RIMS4: variants seen among roughly 807,000 people sequenced by gnomAD.
RIMS4 encodes the protein regulating synaptic membrane exocytosis protein 4.
Under a neutral mutation model 29.0 loss-of-function variants are expected in RIMS4, and 9 were observed. The observed-to-expected ratio is 0.31, with a 90% CI of 0.19 to 0.54. The LOEUF is 0.54. Ranked by LOEUF, RIMS4 falls within the 20% of genes least tolerant of loss-of-function variation. The probability of loss-of-function intolerance (pLI) is 0.94; values close to 1 mark genes in which losing one functional copy is unlikely to be tolerated. For synonymous variants in RIMS4, 130 were observed against 152.9 expected (o/e 0.85, Z 1.10); for missense variants, 193 against 365.7 (o/e 0.53, Z 3.85).
At chr20:44,762,828 C>T (rs558631362) in intron 2 of RIMS4, among the ~76,000 whole-genome samples, 61 of 152,264 alleles carry the variant, frequency 4.0e-4, no homozygotes, top group Non-Finnish European at 8.4e-4. Context: ...AGGCAGAGGC[C>T]GCAAAATCAA....
intron 1 of RIMS4, among the ~76,000 whole-genome samples, chr20:44,800,798 C>T (rs770337072): frequency 1.3e-5 from 2 of 152,118 alleles, no homozygotes; most frequent in Non-Finnish European, 2.9e-5. Context: ...CACTGAGACT[C>T]GGCGATGAAC....
intron 1 of RIMS4, among the ~76,000 whole-genome samples, chr20:44,790,626 G>T (rs1241325243): frequency 6.6e-6 from 1 of 152,210 alleles, no homozygotes; most frequent in African/African-American, 2.4e-5. Context: ...CTAGGGCCTG[G>T]CCCAGTGCAG....
In RIMS4 at chr20:44,756,771, C is replaced by T; in HGVS notation, c.591+127G>A. On this transcript the variant is annotated intron_variant, in intron 5 of 5. Transcript: ENST00000372851. The surrounding 1 kb of genome is among the most constrained non-coding windows in gnomAD (Gnocchi z 5.9). ...AGTTCAGCCACAGTGAACTGAGGGC[C>T]TCGCCTGTTTCCTCCAGGCGAGGCC... is the stretch of plus-strand genomic sequence containing the variant. The T allele has an allele frequency of 2.5e-6, 2 of 797,380 alleles. No homozygotes were observed. The highest frequency in any genetic ancestry group is 3.9e-6 in the Non-Finnish European group (2 of 519,056). The allele number at this position is 797,380 out of a possible 1,614,324, so 49.4% of individuals were successfully genotyped here.
At chr20:44,760,533 T>A (rs1327364575) in intron 2 of RIMS4, among the ~76,000 whole-genome samples, 2 of 152,066 alleles carry the variant, frequency 1.3e-5, no homozygotes, top group African/African-American at 4.8e-5. Context: ...GACAGTAAGA[T>A]CACGTTCCAG....
chr20:44,810,492 TGGCGGCGGCGGC>T lies in RIMS4; in HGVS notation c.-233_-222del, dbSNP rs1186589933. Among the ~76,000 whole-genome samples the T allele has an allele frequency of 1.4e-5, 2 of 138,778 alleles. No homozygotes were observed. The highest frequency in any genetic ancestry group is 3.2e-5 in the Non-Finnish European group (2 of 63,032). 91.0% of individuals were successfully genotyped at this position (138,778 alleles called of 152,430 possible). A position where few individuals can be genotyped will look rare whatever the true frequency, so the allele number is the denominator to read the frequency against. On this transcript the variant is annotated 5_prime_UTR_variant, in exon 1 of 6. Coordinates refer to ENST00000372851, the MANE Select transcript of RIMS4 (RefSeq NM_182970.4). ...CGGAGCCCGAGGCGCGCTGTGCTGC[TGGCGGCGGCGGC>T]GGCGGCGGCGGTGGCGGCGGCGGTG... is the stretch of plus-strand genomic sequence containing the variant.
At position 44,756,170 on chromosome 20, in the gene RIMS4, G is replaced by A. The variant is rs750884297; in HGVS notation, c.774C>T (p.Leu258=). The change falls in exon 6 of 6, where the codon CTC becomes CTT. Residue 258 remains leucine, a synonymous_variant. Coordinates refer to ENST00000372851, the MANE Select transcript of RIMS4 (RefSeq NM_182970.4). The surrounding 1 kb of genome is among the most constrained non-coding windows in gnomAD (Gnocchi z 5.9). ...CTCCGCAGGGCCCCACGGTGCTCTC[G>A]AGGGACAACTGGGATGCCTGCCGGA... is the stretch of plus-strand genomic sequence containing the variant. ...PLLRQASQLS[L]ESTVGPCGER... is the part of the protein sequence containing the mutation. 29 of 1,613,068 alleles carry A rather than the reference G, an allele frequency of 1.8e-5. No individual in the cohort carries two copies. The highest frequency in any genetic ancestry group is 4.0e-5 in the African/African-American group (3 of 74,872).
intron 1 of RIMS4, among the ~76,000 whole-genome samples, chr20:44,802,375 C>A (rs58480446): frequency 0.2 from 30,034 of 152,160 alleles, 3,695 homozygotes; most frequent in East Asian, 0.28. Context: ...ACATTGAACC[C>A]CAGAGGGTTG....
At chr20:44,809,435 T>C (rs976587642) in intron 1 of RIMS4, among the ~76,000 whole-genome samples, 2 of 151,958 alleles carry the variant, frequency 1.3e-5, no homozygotes, top group Non-Finnish European at 2.9e-5. Flanking sequence ...TTCAAGCCGC[T>C]GGCTGGTGGC....
chr20:44,794,380 C>T (rs1304581210), intron 1 of RIMS4, among the ~76,000 whole-genome samples: 1 of 152,204 alleles, frequency 6.6e-6, no homozygotes, highest in Non-Finnish European at 1.5e-5. Flanking sequence ...CTCCCAATTC[C>T]TGACCAGGGT....
At position 44,807,019 on chromosome 20, in the gene RIMS4, G is replaced by A. The variant is rs913293220; in HGVS notation, c.97+3156C>T. ...TCTTCTTCCTTACAGATACGAAACC[G>A]AGGCCACGTGTCTAACTCCTCCCCG... On this transcript the variant is annotated intron_variant, in intron 1 of 5. Transcript: ENST00000372851. Among the ~76,000 whole-genome samples the A allele has an allele frequency of 5.3e-5, 8 of 151,976 alleles. No homozygotes were observed. In the East Asian group the frequency reaches 7.7e-4, roughly 15 times the overall value.
At chr20:44,767,230 T>C (rs532897135) in intron 2 of RIMS4, among the ~76,000 whole-genome samples, 5 of 152,294 alleles carry the variant, frequency 3.3e-5, no homozygotes, top group African/African-American at 1.2e-4. Context: ...ATAGGGAGTA[T>C]CTCAGGATTA....
At chr20:44,764,203 C>T (rs200011099) in intron 2 of RIMS4, among the ~76,000 whole-genome samples, 157 of 20,130 alleles carry the variant, frequency 7.8e-3, no homozygotes, top group South Asian at 0.019. Context: ...TCCATCCATC[C>T]ATCCATCCAC....
intron 1 of RIMS4, among the ~76,000 whole-genome samples, chr20:44,773,627 AC>A (rs796517660): frequency 5.9e-5 from 9 of 151,812 alleles, no homozygotes; most frequent in African/African-American, 2.2e-4. Flanking sequence ...ATCTCCACCT[AC>A]CTGGGTCTGA....
intron 1 of RIMS4, among the ~76,000 whole-genome samples, chr20:44,804,707 G>A (rs2066291061): frequency 6.6e-6 from 1 of 152,174 alleles, no homozygotes; most frequent in Non-Finnish European, 1.5e-5. Context: ...CTAGCAGGGA[G>A]TGGGGAGGGA....
chr20:44,797,360 T>G (rs1005713622), intron 1 of RIMS4, among the ~76,000 whole-genome samples: 6 of 152,244 alleles, frequency 3.9e-5, no homozygotes, highest in Admixed American at 6.5e-5. Flanking sequence ...AAATATCTAC[T>G]GTCTGGCCCT....
intron 2 of RIMS4, among the ~76,000 whole-genome samples, chr20:44,765,717 C>A (rs563663332): frequency 6.6e-6 from 1 of 152,280 alleles, no homozygotes; most frequent in Non-Finnish European, 1.5e-5. Context: ...GTGGCCCTGC[C>A]ACTGCCTTAC....
intron 1 of RIMS4, among the ~76,000 whole-genome samples, chr20:44,797,836 T>G (rs923823182): frequency 6.6e-6 from 1 of 152,218 alleles, no homozygotes; most frequent in African/African-American, 2.4e-5. Context: ...CTTTGATATG[T>G]GCAGTATCAT....
chr20:44,764,882 C>T (rs2066107161), intron 2 of RIMS4, among the ~76,000 whole-genome samples: 1 of 152,106 alleles, frequency 6.6e-6, no homozygotes, highest in Admixed American at 6.5e-5. Context: ...CAATCCTGAC[C>T]CCGACTTCTC....
intron 1 of RIMS4, among the ~76,000 whole-genome samples, chr20:44,791,883 T>C (rs911281295): frequency 2.6e-5 from 4 of 152,160 alleles, no homozygotes; most frequent in African/African-American, 9.7e-5. Flanking sequence ...ACCCACCCCC[T>C]TTCCTAGCTC....
Sources: gnomAD v4.1 joint callset for allele counts (sites outside exome capture counted in the v4.1 genomes callset) on GRCh38, gnomAD v4.1.1 for gene constraint, Gnocchi (gnomAD v3.1) non-coding constraint, MANE v1.5 for transcripts, NCBI Gene and HGNC (gene_info 2026-07-23, HGNC 2026-07-21) for gene names.